The following VAV1 variants were observed in gnomAD, a reference collection of about 807,000 sequenced individuals.
The protein encoded by VAV1 is proto-oncogene vav.
Under a neutral mutation model 128.1 loss-of-function variants are expected in VAV1, and 33 were observed. The observed-to-expected ratio is 0.26, with a 90% CI of 0.20 to 0.34. The LOEUF (loss-of-function observed/expected upper bound fraction) is 0.34. Ranked by LOEUF, VAV1 falls within the 10% of genes least tolerant of loss-of-function variation. VAV1 has a pLI of 1.00. For missense variants in VAV1, 715 were observed against 1,093.7 expected (o/e 0.65, Z 4.88); for synonymous variants, 394 against 409.8 (o/e 0.96, Z 0.47).
chr19:6,822,404 T>TC lies in VAV1; in HGVS notation c.559-11dup. ...CCCCAGGCCCCCCAACACCGGCCTC[T>TC]CCCCTCGCTCTCAGCCCAAGATGAC... is the stretch of plus-strand genomic sequence containing the variant. On this transcript the variant is annotated splice_polypyrimidine_tract_variant and intron_variant, in intron 5 of 26. Coordinates refer to ENST00000602142, the MANE Select transcript of VAV1 (RefSeq NM_005428.4). This position sits in a 1 kb window ranked among gnomAD's most constrained non-coding sequence, Gnocchi z 5.9. The TC allele has an allele frequency of 3.2e-6, 5 of 1,555,594 alleles. No homozygotes were observed. The highest frequency in any genetic ancestry group is 4.3e-6 in the Non-Finnish European group (5 of 1,151,162).
Position 6,826,690 on chromosome 19 carries a change from G to A in VAV1, c.906G>A (p.Glu302=), listed in dbSNP as rs765720226. Residue 302 remains glutamate (E), a synonymous_variant, in exon 9 of 27, where the codon GAG becomes GAA. Coordinates refer to ENST00000602142, the MANE Select transcript of VAV1 (RefSeq NM_005428.4). The surrounding 1 kb of genome is among the most constrained non-coding windows in gnomAD (Gnocchi z 4.1). ...TGGACCGTGTGGCCGCAGCCCGGGA[G>A]GACGTGCAGATGAAGCTGGAGGTGG... ...KHLDRVAAAR[E]DVQMKLEECS... is the part of the protein sequence containing the mutation. 3.9e-5 allele frequency: 61 copies of A among 1,555,464 alleles called. No individual in the cohort carries two copies. The highest frequency in any genetic ancestry group is 5.2e-5 in the Non-Finnish European group (60 of 1,152,836).
chr19:6,842,625 C>T (rs1164195722), intron 21 of VAV1, among the ~76,000 whole-genome samples: 1 of 151,990 alleles, frequency 6.6e-6, no homozygotes, highest in South Asian at 2.1e-4. Context: ...TTGAGACCAG[C>T]CTGGGAAACA....
At chr19:6,854,243 TCATTTATG>T (rs1972739699) in intron 26 of VAV1, 145 bp downstream of exon 26, 6 of 1,108,274 alleles carry the variant, frequency 5.4e-6, no homozygotes, top group Middle Eastern at 3.1e-4. Context: ...CACAGGGATG[TCATTTATG>T]CATTTATGCA....
At chr19:6,849,327 C>T (rs112956737) in intron 23 of VAV1, among the ~76,000 whole-genome samples, 3,897 of 126,822 alleles carry the variant, frequency 0.031, 219 homozygotes, top group African/African-American at 0.12. Flanking sequence ...CTCACTTTGC[C>T]GCCCAGGCTG....
rs1472887808 is a variant in VAV1, at chr19:6,818,787, C to G, written c.205-1915C>G. ...AGGTGGCTGTCTACTGAAATGAGCC[C>G]TTAGAGGAACCTACAAATATCTAGT... On this transcript the variant is annotated intron_variant, in intron 1 of 26. Coordinates refer to ENST00000602142, the MANE Select transcript of VAV1 (RefSeq NM_005428.4). Among the ~76,000 whole-genome samples, 4 of 152,068 alleles carry G rather than the reference C, an allele frequency of 2.6e-5. No individual in the cohort carries two copies. In the East Asian group the frequency reaches 7.7e-4, roughly 29 times the overall value.
chr19:6,807,722 T>C (rs992120301), intron 1 of VAV1, among the ~76,000 whole-genome samples: 1 of 150,920 alleles, frequency 6.6e-6, no homozygotes, highest in African/African-American at 2.4e-5. Context: ...AAAAAAAAGT[T>C]AAAATCACTC....
At chr19:6,799,327 C>T (rs1971210994) in intron 1 of VAV1, among the ~76,000 whole-genome samples, 3 of 152,080 alleles carry the variant, frequency 2.0e-5, no homozygotes, top group South Asian at 4.1e-4. Context: ...GCCACCACGC[C>T]TGGCTAATTT....
chr19:6,773,941 G>T (rs1043824958), intron 1 of VAV1, among the ~76,000 whole-genome samples: 13 of 152,008 alleles, frequency 8.6e-5, no homozygotes, highest in Non-Finnish European at 1.9e-4. Context: ...GGGCCTGGGG[G>T]ACACAGTCCT....
At chr19:6,799,458 A>G (rs1210648716) in intron 1 of VAV1, among the ~76,000 whole-genome samples, 2 of 152,048 alleles carry the variant, frequency 1.3e-5, no homozygotes, top group African/African-American at 2.4e-5. Flanking sequence ...GTGAGCCACC[A>G]TGCCCGGCCT....
At chr19:6,855,993 T>C (rs535147457) in intron 26 of VAV1, among the ~76,000 whole-genome samples, 1 of 152,240 alleles carries the variant, frequency 6.6e-6, no homozygotes, top group Non-Finnish European at 1.5e-5. Context: ...TGACAAATAA[T>C]ACAGACAAAA....
intron 15 of VAV1, among the ~76,000 whole-genome samples, chr19:6,832,525 TC>T (rs1972087600): frequency 8.2e-6 from 1 of 121,866 alleles, no homozygotes; most frequent in African/African-American, 3.0e-5. Flanking sequence ...TCCTCTTTCC[TC>T]CTCCTCCCCT....
rs573568614 is a variant in VAV1 at position 6,809,828 on chromosome 19, T to G, written c.205-10874T>G. Among the ~76,000 whole-genome samples the G allele has an allele frequency of 2.6e-5, 4 of 152,076 alleles. No individual in the cohort carries two copies. The South Asian group carries it at 8.3e-4, about 32-fold the overall frequency. ...TTAGATGTGACAGATAGTTTGGATG[T>G]AGAATCTGAATAATCTATTGATTGA... On this transcript the variant is annotated intron_variant, in intron 1 of 26. Transcript: ENST00000602142.
At chr19:6,827,057 A>C in intron 9 of VAV1, 2 of 260,670 alleles carry the variant, frequency 7.7e-6, no homozygotes, top group Non-Finnish European at 7.6e-6. Context: ...ATTCCAACCA[A>C]CCCCTGATCC....
intron 1 of VAV1, among the ~76,000 whole-genome samples, chr19:6,819,039 C>G (rs972366048): frequency 6.6e-6 from 1 of 152,046 alleles, no homozygotes; most frequent in African/African-American, 2.4e-5. Context: ...TTGCTTGAAC[C>G]TGGGAGGTGG....
At chr19:6,833,484 T>G (rs1156764352) in intron 16 of VAV1, 44 bp from the exon 17 acceptor site, 14 of 1,542,460 alleles carry the variant, frequency 9.1e-6, no homozygotes, top group African/African-American at 1.4e-5. Context: ...TGGCCCTGTC[T>G]GTAAAGGTCA....
At chr19:6,847,431 TC>T (rs1357895198) in intron 22 of VAV1, among the ~76,000 whole-genome samples, 1 of 152,144 alleles carries the variant, frequency 6.6e-6, no homozygotes, top group African/African-American at 2.4e-5. Flanking sequence ...GTGCCTGGCT[TC>T]TCTCACTGAG....
At chr19:6,779,989 T>C (rs900149635) in intron 1 of VAV1, among the ~76,000 whole-genome samples, 4 of 148,784 alleles carry the variant, frequency 2.7e-5, no homozygotes, top group Admixed American at 1.3e-4. Flanking sequence ...CGGGCGCCTG[T>C]AGTCCCAGCT....
At chr19:6,839,560 G>A (rs554089465) in intron 21 of VAV1, among the ~76,000 whole-genome samples, 40 of 152,234 alleles carry the variant, frequency 2.6e-4, no homozygotes, top group East Asian at 1.2e-3. Context: ...GAGCCACCAC[G>A]CCCGGCTGGG....
chr19:6,806,842 T>C (rs911553622), intron 1 of VAV1, among the ~76,000 whole-genome samples: 2 of 152,214 alleles, frequency 1.3e-5, no homozygotes, highest in African/African-American at 4.8e-5. Context: ...TTAATGAATA[T>C]ATTCATTCTT....
Sources: allele counts gnomAD v4.1 joint callset (sites outside exome capture counted in the v4.1 genomes callset), GRCh38; gene constraint gnomAD v4.1.1; non-coding constraint Gnocchi (gnomAD v3.1); transcripts MANE v1.5; gene names NCBI Gene and HGNC (gene_info 2026-07-23, HGNC 2026-07-21).